MPHOSPH6: variants seen among roughly 807,000 people sequenced by gnomAD.
The protein encoded by MPHOSPH6 is M-phase phosphoprotein 6.
Under a neutral mutation model 21.8 loss-of-function variants are expected in MPHOSPH6, and 25 were observed. The ratio of observed to expected loss-of-function variants is 1.15; its 90% confidence interval spans 0.83 to 1.60. MPHOSPH6 has a LOEUF of 1.60. Among genes scored for constraint, MPHOSPH6 ranks in the 40% most tolerant of loss-of-function variants. The pLI is 0.00. For missense variants in MPHOSPH6, 269 were observed against 181.8 expected, an observed-to-expected ratio of 1.48 and a Z score of -2.76; for synonymous variants, 84 against 56.5, an observed-to-expected ratio of 1.49 and a Z score of -2.18.
At chr16:82,163,463 C>A (rs1342066849) in intron 2 of MPHOSPH6, among the ~76,000 whole-genome samples, 1 of 152,250 alleles carries the variant, frequency 6.6e-6, no homozygotes, top group Non-Finnish European at 1.5e-5. Flanking sequence ...TCAGCACTGA[C>A]TAGCTGGGTG....
intron 2 of MPHOSPH6, among the ~76,000 whole-genome samples, chr16:82,160,967 T>C (rs980528836): frequency 2.3e-5 from 1 of 43,174 alleles, no homozygotes; most frequent in African/African-American, 2.4e-4. Flanking sequence ...AACATCCTTA[T>C]CTCAGAAGAA....
rs564280050 is a variant in MPHOSPH6, at chr16:82,163,420, T to A, written c.164+662A>T. On this transcript the variant is annotated intron_variant, in intron 2 of 4. Coordinates refer to ENST00000258169, the MANE Select transcript of MPHOSPH6 (RefSeq NM_005792.2). ...TTGTTGATCAGGCACCAGCCAAGCT[T>A]AGGGGTGGGCCAGAAACTGTCTACC... Among the ~76,000 whole-genome samples, 10 of 152,326 alleles carry A rather than the reference T, an allele frequency of 6.6e-5. No individual in the cohort carries two copies. The South Asian group carries it at 2.1e-3, about 32-fold the overall frequency.
chr16:82,156,344 G>C (rs1186546142), intron 2 of MPHOSPH6, among the ~76,000 whole-genome samples: 1 of 152,152 alleles, frequency 6.6e-6, no homozygotes, highest in Non-Finnish European at 1.5e-5. Context: ...ACTGATGTCT[G>C]CAACTTACTG....
chr16:82,164,841 C>A (rs1597164953), intron 1 of MPHOSPH6: 1 of 152,184 alleles, frequency 6.6e-6, no homozygotes, highest in East Asian at 1.9e-4. Flanking sequence ...CTGCTAAACT[C>A]TTGAGCTGCT....
chr16:82,161,916 A>T (rs2142414558), intron 2 of MPHOSPH6, among the ~76,000 whole-genome samples: 1 of 152,340 alleles, frequency 6.6e-6, no homozygotes, highest in Non-Finnish European at 1.5e-5. Flanking sequence ...GACATTAAAA[A>T]TGGGAAAGTC....
intron 2 of MPHOSPH6, among the ~76,000 whole-genome samples, chr16:82,158,590 CT>C (rs1906508357): frequency 6.7e-6 from 1 of 149,650 alleles, no homozygotes; most frequent in South Asian, 2.1e-4. Context: ...GAATTAGACA[CT>C]TTTTTTCAAT....
At chr16:82,168,145 T>A (rs964858077) in intron 1 of MPHOSPH6, among the ~76,000 whole-genome samples, 1 of 152,216 alleles carries the variant, frequency 6.6e-6, no homozygotes, top group Non-Finnish European at 1.5e-5. Context: ...TTAATTTCTT[T>A]CTTCTTAGTT....
intron 2 of MPHOSPH6, among the ~76,000 whole-genome samples, chr16:82,155,974 T>C (rs1310756927): frequency 1.3e-5 from 2 of 151,810 alleles, no homozygotes; most frequent in South Asian, 2.1e-4. Flanking sequence ...TTCTACCTCA[T>C]GCTGTACACA....
intron 2 of MPHOSPH6, among the ~76,000 whole-genome samples, chr16:82,153,684 A>C (rs1027233173): frequency 6.6e-6 from 1 of 152,340 alleles, no homozygotes; most frequent in African/African-American, 2.4e-5. Context: ...ATGAAGCTGC[A>C]CATGTGCAGG....
At chr16:82,169,916 G>A (rs894658130) in intron 1 of MPHOSPH6, among the ~76,000 whole-genome samples, 3 of 152,130 alleles carry the variant, frequency 2.0e-5, no homozygotes, top group African/African-American at 7.2e-5. Flanking sequence ...CCATCCGCCC[G>A]CGGGCCTCCT....
chr16:82,167,313 C>T (rs1186615092), intron 1 of MPHOSPH6, among the ~76,000 whole-genome samples: 1 of 152,134 alleles, frequency 6.6e-6, no homozygotes, highest in Non-Finnish European at 1.5e-5. Context: ...AAGTCAGAGG[C>T]ATTGAAGTGA....
intron 2 of MPHOSPH6, among the ~76,000 whole-genome samples, chr16:82,158,256 A>T (rs1906493089): frequency 6.6e-6 from 1 of 151,976 alleles, no homozygotes; most frequent in Admixed American, 6.6e-5. Context: ...TGGGAGGCCG[A>T]AGCAGGAGGA....
At chr16:82,153,499 G>C (rs1906333364) in intron 2 of MPHOSPH6, among the ~76,000 whole-genome samples, 1 of 152,198 alleles carries the variant, frequency 6.6e-6, no homozygotes, top group Non-Finnish European at 1.5e-5. Flanking sequence ...CTGTCTTGCT[G>C]AGCTTAAGAG....
intron 2 of MPHOSPH6, among the ~76,000 whole-genome samples, chr16:82,154,547 A>G (rs1396017300): frequency 6.6e-6 from 1 of 152,198 alleles, no homozygotes; most frequent in Admixed American, 6.5e-5. Context: ...AAATTTATTC[A>G]AGGATTTAAA....
intron 3 of MPHOSPH6, among the ~76,000 whole-genome samples, chr16:82,150,329 C>G (rs1567611217): frequency 2.0e-5 from 3 of 152,036 alleles, no homozygotes; most frequent in Non-Finnish European, 2.9e-5. Context: ...CCTTTTTCTT[C>G]CCTCTTCACC....
Position 82,148,764 on chromosome 16 carries a change from T to C in MPHOSPH6, c.450A>G (p.Lys150=). The C allele has an allele frequency of 6.2e-7, 1 of 1,614,174 alleles. No individual in the cohort carries two copies. The highest frequency in any genetic ancestry group is 8.5e-7 in the Non-Finnish European group (1 of 1,180,012). The change falls in exon 5 of 5, where the codon AAA becomes AAG. Residue 150 remains lysine (K), a synonymous_variant. Transcript: ENST00000258169. ...GGGGCTTTAAGAACATCTTCTTTGC[T>C]TTAATTGGTGTTATGTCTCCATTTT... ...EDENGDITPI[K]AKKMFLKPQD is the part of the protein sequence containing the mutation.
At chr16:82,165,144 T>TTTTTTTTTTTTTTTTTTTTTTTTTTTTA (rs1555540871) in intron 1 of MPHOSPH6, among the ~76,000 whole-genome samples, 1 of 108,626 alleles carries the variant, frequency 9.2e-6, no homozygotes, top group Admixed American at 1.1e-4. Context: ...TTTTTTTTTT[T>TTTTTTTTTTTTTTTTTTTTTTTTTTTTA]TGAGACAGAG....
chr16:82,158,048 T>C (rs1370198908), intron 2 of MPHOSPH6, among the ~76,000 whole-genome samples: 1 of 152,192 alleles, frequency 6.6e-6, no homozygotes, highest in Non-Finnish European at 1.5e-5. Flanking sequence ...AGTTACATTC[T>C]TCACTGCCAG....
At chr16:82,160,000 C>T (rs1232748106) in intron 2 of MPHOSPH6, among the ~76,000 whole-genome samples, 2 of 152,138 alleles carry the variant, frequency 1.3e-5, no homozygotes, top group East Asian at 3.9e-4. Flanking sequence ...AAGCACCATA[C>T]ATCAAAGCTT....
Sources: allele counts gnomAD v4.1 joint callset (sites outside exome capture counted in the v4.1 genomes callset), GRCh38; gene constraint gnomAD v4.1.1; transcripts MANE v1.5; gene names NCBI Gene and HGNC (gene_info 2026-07-23, HGNC 2026-07-21).